Variants in HAUS2 observed in about 807,000 individuals in gnomAD.
HAUS2 encodes HAUS augmin like complex subunit 2.
Under a neutral mutation model 21.6 loss-of-function variants are expected in HAUS2, and 20 were observed. That is an observed-to-expected ratio of 0.93 (90% CI 0.65 to 1.35). The LOEUF (loss-of-function observed/expected upper bound fraction) is 1.35. HAUS2 is among the 40% of genes most tolerant of loss of function. The pLI is 0.00. For missense variants in HAUS2, 297 were observed against 280.7 expected (o/e 1.06, Z -0.42); for synonymous variants, 113 against 95.6 (o/e 1.18, Z -1.06).
At chr15:42,554,781 C>T (rs1026322104) in intron 1 of HAUS2, among the ~76,000 whole-genome samples, 7 of 151,498 alleles carry the variant, frequency 4.6e-5, no homozygotes, top group East Asian at 3.9e-4. Context: ...TGAGCCACCA[C>T]GCCCAGCCAG....
At chr15:42,558,557 G>C (rs879882599) in intron 2 of HAUS2, among the ~76,000 whole-genome samples, 9 of 151,860 alleles carry the variant, frequency 5.9e-5, no homozygotes, top group African/African-American at 9.7e-5. Flanking sequence ...TCGATCTCCT[G>C]ACCCCATGAT....
Position 42,569,535 on chromosome 15 carries a change from G to A in HAUS2, c.*2719G>A, listed in dbSNP as rs2057940658. On this transcript the variant is annotated 3_prime_UTR_variant, in exon 6 of 6. Coordinates refer to ENST00000260372, the MANE Select transcript of HAUS2 (RefSeq NM_018097.3). Reference sequence around the variant, plus strand: ...TTGTTGAGGCTGGTCTTGAACTCCTGGGTTCAAACGACCCTCCCGCCTCAG... The same window carrying A: ...TTGTTGAGGCTGGTCTTGAACTCCTAGGTTCAAACGACCCTCCCGCCTCAG... 2 of 151,982 alleles carry A rather than the reference G, an allele frequency of 1.3e-5. No homozygotes were observed. The highest frequency in any genetic ancestry group is 2.4e-5 in the African/African-American group (1 of 41,344). 9.4% of individuals were successfully genotyped at this position (151,982 alleles called of 1,614,324 possible).
chr15:42,554,553 C>T (rs1194553461), intron 1 of HAUS2, among the ~76,000 whole-genome samples: 3 of 148,136 alleles, frequency 2.0e-5, no homozygotes, highest in Admixed American at 1.4e-4. Context: ...TGCAGTAGTG[C>T]GCTCACAGCT....
intron 5 of HAUS2, 43 bp from the exon 6 acceptor site, chr15:42,566,564 T>C (rs531078578): frequency 1.6e-5 from 17 of 1,031,558 alleles, no homozygotes; most frequent in Non-Finnish European, 2.1e-5. Flanking sequence ...AATGAATTAA[T>C]AAGAGACATA....
chr15:42,553,783 T>C (rs1051680510), intron 1 of HAUS2, among the ~76,000 whole-genome samples: 2 of 152,216 alleles, frequency 1.3e-5, no homozygotes, highest in African/African-American at 4.8e-5. Context: ...GAGGGAGATA[T>C]ACCAGTGAAC....
intron 1 of HAUS2, among the ~76,000 whole-genome samples, chr15:42,552,692 A>G (rs2057737849): frequency 6.6e-6 from 1 of 152,098 alleles, no homozygotes. Context: ...TGAGTCATGG[A>G]GTCTTGACCA....
chr15:42,563,387 G>A (rs1473965502), intron 4 of HAUS2, among the ~76,000 whole-genome samples: 1 of 149,136 alleles, frequency 6.7e-6, no homozygotes, highest in African/African-American at 2.5e-5. Context: ...GCTCCAGCCT[G>A]GTGACATAGC....
chr15:42,549,147 G>C (rs1443553096), intron 1 of HAUS2, among the ~76,000 whole-genome samples, 182 bp downstream of exon 1: 1 of 152,230 alleles, frequency 6.6e-6, no homozygotes, highest in Non-Finnish European at 1.5e-5. Context: ...GGAAAGCGGG[G>C]ATCTGAGTAG....
intron 2 of HAUS2, 33 bp downstream of exon 2, chr15:42,558,323 T>TC (rs2057809682): frequency 5.0e-6 from 4 of 796,040 alleles, no homozygotes; most frequent in Admixed American, 5.1e-5. Context: ...TCTTTTTTTT[T>TC]TTTTTTTTTT....
At chr15:42,557,078 G>T (rs931133060) in intron 1 of HAUS2, among the ~76,000 whole-genome samples, 1 of 150,662 alleles carries the variant, frequency 6.6e-6, no homozygotes, top group African/African-American at 2.4e-5. Flanking sequence ...ATTTTGGGAG[G>T]CCTAGGTGGG....
At chr15:42,557,228 A>G (rs112556218) in intron 1 of HAUS2, among the ~76,000 whole-genome samples, 1 of 141,958 alleles carries the variant, frequency 7.0e-6, no homozygotes, top group East Asian at 2.0e-4. Context: ...AGGCAGGAGA[A>G]TGGCATGAAC....
chr15:42,558,510 G>C (rs1172129835), intron 2 of HAUS2, among the ~76,000 whole-genome samples: 1 of 151,606 alleles, frequency 6.6e-6, no homozygotes, highest in Non-Finnish European at 1.5e-5. Flanking sequence ...TGTACTTTTA[G>C]TAGAGATGGG....
At chr15:42,559,279 C>T (rs111483510) in intron 2 of HAUS2, 60 bp from the exon 3 acceptor site, 15 of 973,230 alleles carry the variant, frequency 1.5e-5, no homozygotes, top group African/African-American at 1.4e-4. Context: ...GAGTGAGCCA[C>T]CGCACCTGGC....
chr15:42,556,892 C>G (rs1363650031), intron 1 of HAUS2, among the ~76,000 whole-genome samples: 2 of 151,642 alleles, frequency 1.3e-5, no homozygotes, highest in Non-Finnish European at 2.9e-5. Flanking sequence ...TGGCAGTAAT[C>G]CCAAAAACTC....
rs2057936349 is a variant in HAUS2 at position 42,569,260 on chromosome 15, T to C, written c.*2444T>C. ...GGGTTCTATTTTGCTTTAAAACATG[T>C]ACATCAGTTTTGTTTTTTGTTTTGT... On this transcript the variant is annotated 3_prime_UTR_variant, in exon 6 of 6. Transcript: ENST00000260372. 6.6e-6 allele frequency: 1 copy of C among 152,026 alleles called. No homozygotes were observed. The allele number at this position is 152,026 out of a possible 1,614,324, so 9.4% of individuals were successfully genotyped here. A position where few individuals can be genotyped will look rare whatever the true frequency, so the allele number is the denominator to read the frequency against.
rs772451176 is a variant in HAUS2, at chr15:42,561,383, A to T, written c.370A>T (p.Ile124Phe). 1 of 1,605,390 alleles carries T rather than the reference A, an allele frequency of 6.2e-7. No individual in the cohort carries two copies. Among genetic ancestry groups the T allele is most frequent in the Non-Finnish European group, 8.5e-7 (1 of 1,172,246 alleles). ...LKPMCQENLP[I>F]EAVYHRYMVH... The stretch of plus-strand genomic sequence containing the variant: ...ACCCATGTGCCAGGAAAACTTACCT[A>T]TTGAAGCTGTTTATCACAGGTTAGA... Residue 124 changes from isoleucine (I) to phenylalanine (F), a missense_variant, in exon 4 of 6, where the codon ATT (isoleucine) becomes TTT (phenylalanine). By Grantham distance (21) the Ile-to-Phe change is conservative. Transcript: ENST00000260372.
intron 3 of HAUS2, among the ~76,000 whole-genome samples, chr15:42,559,668 A>G (rs375160263): frequency 1.9e-4 from 29 of 152,158 alleles, no homozygotes; most frequent in East Asian, 9.6e-4. Context: ...TTCAGATTAA[A>G]AGAGACTAAA....
chr15:42,552,059 G>A (rs2057731331), intron 1 of HAUS2, among the ~76,000 whole-genome samples: 1 of 151,184 alleles, frequency 6.6e-6, no homozygotes, highest in Non-Finnish European at 1.5e-5. Context: ...GTCTCACTCT[G>A]TTGCCCAGGC....
At position 42,561,244 on chromosome 15, in the gene HAUS2, T is replaced by C. The variant is rs899155407; in HGVS notation, c.257-26T>C. 1.1e-5 allele frequency: 15 copies of C among 1,416,692 alleles called. No homozygotes were observed. In the African/African-American group the frequency reaches 1.7e-4, roughly 16 times the overall value. The allele number at this position is 1,416,692 out of a possible 1,614,324, so 87.8% of individuals were successfully genotyped here. A position where few individuals can be genotyped will look rare whatever the true frequency, so the allele number is the denominator to read the frequency against. ...CTGTTATTTGTCCTATTGCTAACTA[T>C]AATTACTGTTTTTTAATTTGTATAG... is the stretch of plus-strand genomic sequence containing the variant. On this transcript the variant is annotated intron_variant, in intron 3 of 5. Transcript: ENST00000260372.
Sources: gnomAD v4.1 joint callset for allele counts (sites outside exome capture counted in the v4.1 genomes callset) on GRCh38, gnomAD v4.1.1 for gene constraint, MANE v1.5 for transcripts, NCBI Gene and HGNC (gene_info 2026-07-23, HGNC 2026-07-21) for gene names.